The following SERPINE2 variants were observed in gnomAD, a reference collection of about 807,000 sequenced individuals.
The protein encoded by SERPINE2 is glia-derived nexin.
A neutral mutation model predicts 36.3 loss-of-function variants in SERPINE2; 14 were observed. The observed-to-expected ratio is 0.39, with a 90% CI of 0.25 to 0.60. The LOEUF is 0.60. Ranked by LOEUF, SERPINE2 falls within the 20% of genes least tolerant of loss-of-function variation. The pLI is 0.57. For missense variants in SERPINE2, 418 were observed against 499.6 expected (o/e 0.84, Z 1.56); for synonymous variants, 192 against 191.8 (o/e 1.00, Z -0.01).
At chr2:224,031,117 G>T in intron 1 of SERPINE2, 2 of 985,376 alleles carry the variant, frequency 2.0e-6, no homozygotes, top group South Asian at 9.4e-5. Context: ...AACATTGATG[G>T]GATGTAAATC....
chr2:224,027,417 G>C (rs1387387644), intron 1 of SERPINE2, among the ~76,000 whole-genome samples: 1 of 147,864 alleles, frequency 6.8e-6, no homozygotes, highest in East Asian at 1.9e-4. Flanking sequence ...TCCTAACTGA[G>C]AGGGAGGGGA....
chr2:224,003,525 G>A (rs1691273299), intron 1 of SERPINE2, among the ~76,000 whole-genome samples: 1 of 152,174 alleles, frequency 6.6e-6, no homozygotes, highest in African/African-American at 2.4e-5. Context: ...AGGACAATTG[G>A]TAAATTCATC....
chr2:223,983,019 C>A (rs141134862), intron 5 of SERPINE2, among the ~76,000 whole-genome samples: 1 of 152,326 alleles, frequency 6.6e-6, no homozygotes, highest in Admixed American at 6.5e-5. Flanking sequence ...GGCGCTCCCA[C>A]CCTCAGGTGT....
intron 3 of SERPINE2, among the ~76,000 whole-genome samples, chr2:223,997,632 G>A (rs1421366193): frequency 6.6e-6 from 1 of 152,126 alleles, no homozygotes; most frequent in African/African-American, 2.4e-5. Flanking sequence ...AATCGGGGGG[G>A]TGTAAAAGTT....
At chr2:223,977,677 A>AT (rs1559191692) in intron 7 of SERPINE2, 50 bp from the exon 8 acceptor site, 1 of 1,286,856 alleles carries the variant, frequency 7.8e-7, no homozygotes, top group South Asian at 1.2e-5. Flanking sequence ...GAGACCATGT[A>AT]AGCATAAGGC....
intron 2 of SERPINE2, among the ~76,000 whole-genome samples, chr2:224,000,693 C>A (rs1045099203): frequency 6.6e-6 from 1 of 152,078 alleles, no homozygotes; most frequent in Non-Finnish European, 1.5e-5. Context: ...CCTTGCCTTC[C>A]ACCCCTCGAC....
At chr2:224,004,980 C>T (rs1691335896) in intron 1 of SERPINE2, among the ~76,000 whole-genome samples, 1 of 137,236 alleles carries the variant, frequency 7.3e-6, no homozygotes, top group African/African-American at 2.7e-5. Flanking sequence ...TTGATAGACT[C>T]AAATACTACA....
chr2:224,003,508 A>G (rs147251154), intron 1 of SERPINE2, among the ~76,000 whole-genome samples: 8 of 152,230 alleles, frequency 5.3e-5, no homozygotes, highest in African/African-American at 1.7e-4. Context: ...TAAAGTTACA[A>G]TAGGGTAGGA....
intron 1 of SERPINE2, among the ~76,000 whole-genome samples, chr2:224,035,356 G>A (rs1692497686): frequency 1.3e-5 from 2 of 152,090 alleles, no homozygotes; most frequent in Admixed American, 6.5e-5. Context: ...GGGAATGTAA[G>A]CTTCCTATTC....
intron 4 of SERPINE2, among the ~76,000 whole-genome samples, chr2:223,991,297 A>G (rs1427137300): frequency 1.3e-5 from 2 of 152,298 alleles, no homozygotes; most frequent in East Asian, 3.9e-4. Context: ...TGGAGCCAGG[A>G]CCCCGAGGAA....
chr2:223,991,774 A>T (rs1690681754), intron 4 of SERPINE2, 29 bp downstream of exon 4: 1 of 1,610,496 alleles, frequency 6.2e-7, no homozygotes. Flanking sequence ...AGCACATCCT[A>T]GAACAGGCTT....
At chr2:224,034,573 G>A (rs890344289) in intron 1 of SERPINE2, among the ~76,000 whole-genome samples, 1 of 152,124 alleles carries the variant, frequency 6.6e-6, no homozygotes, top group Non-Finnish European at 1.5e-5. Context: ...AAAGTTCCCT[G>A]GCTGCATGCT....
chr2:224,009,950 C>T (rs1691567617), intron 1 of SERPINE2, among the ~76,000 whole-genome samples: 2 of 152,304 alleles, frequency 1.3e-5, no homozygotes, highest in Admixed American at 1.3e-4. Context: ...TTAAGCCTCA[C>T]ATATGGTCTC....
At chr2:224,026,332 G>A (rs993560143) in intron 1 of SERPINE2, among the ~76,000 whole-genome samples, 6 of 152,204 alleles carry the variant, frequency 3.9e-5, no homozygotes, top group South Asian at 2.1e-4. Flanking sequence ...CTAATTCAAC[G>A]TTCAATATCT....
chr2:223,982,597 T>G, intron 6 of SERPINE2, 84 bp downstream of exon 6: 1 of 818,386 alleles, frequency 1.2e-6, no homozygotes, highest in Non-Finnish European at 1.9e-6. Context: ...ACATTCCTAA[T>G]TCTGATCCTT....
At chr2:224,012,279 TAA>T (rs922859716) in intron 1 of SERPINE2, among the ~76,000 whole-genome samples, 1 of 152,142 alleles carries the variant, frequency 6.6e-6, no homozygotes, top group Non-Finnish European at 1.5e-5. Flanking sequence ...GAACATAACC[TAA>T]AATGTCCAAC....
chr2:224,015,485 T>C (rs777220995), intron 1 of SERPINE2, among the ~76,000 whole-genome samples: 2 of 152,224 alleles, frequency 1.3e-5, no homozygotes, highest in Non-Finnish European at 1.5e-5. Context: ...AACCTTGTGT[T>C]GGGAGGTACC....
chr2:224,019,431 C>T (rs1574844114), intron 1 of SERPINE2, among the ~76,000 whole-genome samples: 1 of 152,186 alleles, frequency 6.6e-6, no homozygotes, highest in Non-Finnish European at 1.5e-5. Context: ...TTGCAGTTTA[C>T]AGAACGTGGT....
intron 1 of SERPINE2, chr2:224,038,871 G>A (rs1685135039): frequency 1.7e-5 from 4 of 235,904 alleles, no homozygotes; most frequent in Non-Finnish European, 3.2e-5. Flanking sequence ...CGGCGGGCGG[G>A]ACCGGGATGC....
Sources: allele counts gnomAD v4.1 joint callset (sites outside exome capture counted in the v4.1 genomes callset), GRCh38; gene constraint gnomAD v4.1.1; transcripts MANE v1.5; gene names NCBI Gene and HGNC (gene_info 2026-07-23, HGNC 2026-07-21).